LIMA1: variants seen among roughly 807,000 people sequenced by gnomAD.
The protein encoded by LIMA1 is LIM domain and actin binding 1.
Under a neutral mutation model 62.6 loss-of-function variants are expected in LIMA1, and 52 were observed. That is an observed-to-expected ratio of 0.83 (90% confidence interval 0.67 to 1.05). The LOEUF (loss-of-function observed/expected upper bound fraction) is 1.05. Ranked by LOEUF, LIMA1 falls within the 50% of genes least tolerant of loss-of-function variation. The pLI, the probability that LIMA1 is intolerant of heterozygous loss-of-function variation, is 0.00. For missense variants in LIMA1, 780 were observed against 902.2 expected (o/e 0.86, Z 1.74); for synonymous variants, 302 against 317.8 (o/e 0.95, Z 0.53).
At chr12:50,200,696 G>T in intron 7 of LIMA1, 81 bp downstream of exon 7, 1 of 1,447,696 alleles carries the variant, frequency 6.9e-7, no homozygotes, top group Non-Finnish European at 9.7e-7. Context: ...ACAGCCTAGA[G>T]TTAGAGTTGT....
chr12:50,191,886 C>A (rs1940782312), intron 9 of LIMA1, among the ~76,000 whole-genome samples: 1 of 151,372 alleles, frequency 6.6e-6, no homozygotes, highest in African/African-American at 2.4e-5. Context: ...GCTTACCCAG[C>A]ACTTTGGGAG....
At chr12:50,270,920 G>A (rs537367353) in intron 1 of LIMA1, among the ~76,000 whole-genome samples, 109 of 151,524 alleles carry the variant, frequency 7.2e-4, no homozygotes, top group African/African-American at 2.5e-3. Flanking sequence ...GTGAAACCCC[G>A]TCTCTACTAA....
In LIMA1 at chr12:50,241,933, A is replaced by ATTTTTTT. The variant is rs577308413; in HGVS notation, c.119+6693_119+6699dup. On this transcript the variant is annotated intron_variant, in intron 2 of 10. Transcript: ENST00000341247. ...AATTTTGTTCCTCTTTCCTTCCCAG[A>ATTTTTTT]TTTTTTTTTTTTTTTTTTTTTTTTT... is the stretch of plus-strand genomic sequence containing the variant. Among the ~76,000 whole-genome samples, 197 of 36,430 alleles carry ATTTTTTT rather than the reference A, an allele frequency of 5.4e-3. 36 individuals carry two copies. The highest frequency in any genetic ancestry group is 7.0e-3 in the Non-Finnish European group (142 of 20,242). The allele number at this position is 36,430 out of a possible 152,430, so 23.9% of individuals were successfully genotyped here.
intron 2 of LIMA1, among the ~76,000 whole-genome samples, chr12:50,236,921 A>T (rs1941704832): frequency 6.6e-6 from 1 of 152,042 alleles, no homozygotes; most frequent in Non-Finnish European, 1.5e-5. Context: ...TCTGTTTAAA[A>T]CAAATAAACA....
intron 1 of LIMA1, among the ~76,000 whole-genome samples, chr12:50,250,363 G>C (rs1254132346): frequency 1.3e-5 from 2 of 150,972 alleles, no homozygotes; most frequent in Non-Finnish European, 2.9e-5. Context: ...AGCACTTTGG[G>C]AGGATAGCTT....
At chr12:50,275,260 C>T (rs960849498) in intron 1 of LIMA1, among the ~76,000 whole-genome samples, 3 of 151,782 alleles carry the variant, frequency 2.0e-5, no homozygotes, top group Admixed American at 6.6e-5. Context: ...CCAGCTACTC[C>T]GGAGGTCTGA....
intron 4 of LIMA1, among the ~76,000 whole-genome samples, chr12:50,211,977 C>T (rs999517267): frequency 5.3e-5 from 8 of 151,352 alleles, no homozygotes; most frequent in African/African-American, 1.9e-4. Context: ...GCCTCACCCA[C>T]CCTGAAGTCC....
intron 9 of LIMA1, among the ~76,000 whole-genome samples, chr12:50,183,831 A>AC (rs1940565860): frequency 2.0e-5 from 3 of 150,540 alleles, no homozygotes; most frequent in Non-Finnish European, 4.4e-5. Context: ...AAAAAAAAAA[A>AC]AAACCCAAAA....
At chr12:50,200,172 G>A (rs1373512671) in intron 7 of LIMA1, among the ~76,000 whole-genome samples, 1 of 152,216 alleles carries the variant, frequency 6.6e-6, no homozygotes, top group South Asian at 2.1e-4. Flanking sequence ...TGGGATTACA[G>A]GCGTGAGCCA....
chr12:50,177,046 C>G lies in LIMA1; in HGVS notation c.*18G>C, dbSNP rs373388466. 2.6e-6 allele frequency: 4 copies of G among 1,530,736 alleles called. No individual in the cohort carries two copies. Among genetic ancestry groups the G allele is most frequent in the Non-Finnish European group, 3.5e-6 (4 of 1,140,560 alleles). 94.8% of individuals were successfully genotyped at this position (1,530,736 alleles called of 1,614,324 possible). On this transcript the variant is annotated 3_prime_UTR_variant, in exon 11 of 11. Transcript: ENST00000341247. The stretch of plus-strand genomic sequence containing the variant: ...CTAACACTAACATGAATTTAAGGCC[C>G]AGCATCATTGCAATTTGTCACTCTT...
chr12:50,244,900 C>A (rs1941827110), intron 2 of LIMA1, among the ~76,000 whole-genome samples: 1 of 152,018 alleles, frequency 6.6e-6, no homozygotes, highest in Non-Finnish European at 1.5e-5. Flanking sequence ...GAAAGTGAGG[C>A]CAGGAAGGGG....
At chr12:50,230,671 G>C (rs1330804114) in intron 3 of LIMA1, among the ~76,000 whole-genome samples, 1 of 151,922 alleles carries the variant, frequency 6.6e-6, no homozygotes, top group African/African-American at 2.4e-5. Flanking sequence ...CCGCCTCCCA[G>C]GTTCACGCCA....
chr12:50,254,293 A>G (rs1215802947), intron 1 of LIMA1, among the ~76,000 whole-genome samples: 6 of 152,226 alleles, frequency 3.9e-5, no homozygotes, highest in Admixed American at 1.3e-4. Context: ...AATAAATGGT[A>G]TACATAGAAA....
chr12:50,242,041 G>C (rs1384669396), intron 2 of LIMA1, among the ~76,000 whole-genome samples: 1 of 142,884 alleles, frequency 7.0e-6, no homozygotes, highest in Non-Finnish European at 1.5e-5. Flanking sequence ...CTCAGCTGTG[G>C]GGCAGGCAGC....
intron 2 of LIMA1, among the ~76,000 whole-genome samples, chr12:50,246,282 A>AATGCATGTC (rs941835909): frequency 1.3e-5 from 2 of 151,910 alleles, no homozygotes; most frequent in African/African-American, 4.8e-5. Context: ...TCAAACACAG[A>AATGCATGTC]ATGCATGTCA....
At chr12:50,217,742 C>T in intron 4 of LIMA1, 1 of 324,954 alleles carries the variant, frequency 3.1e-6, no homozygotes, top group South Asian at 2.9e-5. Context: ...GGCTTCATGA[C>T]CTTGATTCCT....
chr12:50,195,214 A>C (rs1940902207), intron 8 of LIMA1, among the ~76,000 whole-genome samples: 1 of 152,092 alleles, frequency 6.6e-6, no homozygotes, highest in African/African-American at 2.4e-5. Context: ...AAAAAATGAA[A>C]ATTAAAAGTT....
At chr12:50,270,633 C>T (rs1440455497) in intron 1 of LIMA1, among the ~76,000 whole-genome samples, 1 of 136,942 alleles carries the variant, frequency 7.3e-6, no homozygotes, top group African/African-American at 2.7e-5. Flanking sequence ...AAAAAAAGAA[C>T]TCTATGTTGA....
intron 1 of LIMA1, among the ~76,000 whole-genome samples, chr12:50,261,594 C>T (rs947937109): frequency 6.6e-6 from 1 of 152,084 alleles, no homozygotes; most frequent in African/African-American, 2.4e-5. Context: ...AGATGCCTTC[C>T]CTGACCCCTC....
Sources: allele counts gnomAD v4.1 joint callset (sites outside exome capture counted in the v4.1 genomes callset), GRCh38; gene constraint gnomAD v4.1.1; transcripts MANE v1.5; gene names NCBI Gene and HGNC (gene_info 2026-07-23, HGNC 2026-07-21).